The following RMDN2 variants were observed in gnomAD, a reference collection of about 807,000 sequenced individuals.
RMDN2 encodes regulator of microtubule dynamics protein 2.
A neutral mutation model predicts 52.8 loss-of-function variants in RMDN2; 61 were observed. That is an observed-to-expected ratio of 1.16 (90% CI 0.94 to 1.43). The LOEUF is 1.43. Ranked by LOEUF, RMDN2 falls within the 40% of genes most tolerant of loss-of-function variation. The probability of loss-of-function intolerance (pLI) is 0.00; values close to 1 mark genes in which losing one functional copy is unlikely to be tolerated. For missense variants in RMDN2, 592 were observed against 475.3 expected (o/e 1.25, Z -2.28); for synonymous variants, 180 against 153.1 (o/e 1.18, Z -1.30).
chr2:38,061,805 T>C (rs926579351), intron 10 of RMDN2, among the ~76,000 whole-genome samples: 1 of 152,212 alleles, frequency 6.6e-6, no homozygotes, highest in African/African-American at 2.4e-5. Flanking sequence ...TACTAATAGG[T>C]GCTCAATTAA....
chr2:37,979,091 A>G (rs981917119), intron 4 of RMDN2, among the ~76,000 whole-genome samples: 13 of 152,216 alleles, frequency 8.5e-5, no homozygotes, highest in African/African-American at 2.7e-4. Flanking sequence ...AGTGCCAAAG[A>G]AAAAGGAGTA....
At chr2:37,951,615 A>G (rs1446202348) in intron 2 of RMDN2, 1 of 1,613,386 alleles carries the variant, frequency 6.2e-7, no homozygotes, top group East Asian at 2.2e-5. Flanking sequence ...TAAACTAAGT[A>G]TAGTTTCCTA....
chr2:37,975,115 ACCTG>A, intron 3 of RMDN2, 93 bp from the exon 4 acceptor site: 1 of 720,928 alleles, frequency 1.4e-6, no homozygotes, highest in Non-Finnish European at 2.5e-6. Flanking sequence ...ATACCAGTTT[ACCTG>A]CCTAAGTTTT....
At chr2:37,999,893 C>G (rs962422156) in intron 8 of RMDN2, among the ~76,000 whole-genome samples, 11 of 152,144 alleles carry the variant, frequency 7.2e-5, no homozygotes, top group African/African-American at 2.7e-4. Flanking sequence ...TCTGAATGAC[C>G]TGGACACACA....
chr2:37,975,876 A>G (rs543905901), intron 4 of RMDN2, among the ~76,000 whole-genome samples: 4 of 152,320 alleles, frequency 2.6e-5, no homozygotes, highest in Admixed American at 1.3e-4. Context: ...ATTTGAATAT[A>G]TTAGAATAGG....
At chr2:38,007,037 GCATCC>G (rs1677202156) in intron 10 of RMDN2, among the ~76,000 whole-genome samples, 1 of 152,194 alleles carries the variant, frequency 6.6e-6, no homozygotes, top group Non-Finnish European at 1.5e-5. Context: ...AACCAGCCTT[GCATCC>G]CAGGGATGAA....
chr2:37,986,260 A>G (rs537392916), intron 5 of RMDN2, among the ~76,000 whole-genome samples: 22 of 152,212 alleles, frequency 1.4e-4, no homozygotes, highest in Non-Finnish European at 2.8e-4. Context: ...TAACATGGTG[A>G]GTAGATAATT....
At position 38,042,035 on chromosome 2, in the gene RMDN2, T is replaced by C. The variant is rs567401836; in HGVS notation, c.1714-24947T>C. Among the ~76,000 whole-genome samples the C allele has an allele frequency of 2.0e-5, 3 of 152,342 alleles. No homozygotes were observed. In the East Asian group the frequency reaches 5.8e-4, roughly 29 times the overall value. On this transcript the variant is annotated intron_variant, in intron 10 of 10. Coordinates refer to the RMDN2 transcript ENST00000234195. ...GCAGAAAATTGGTATAATTTTTTCTTTGACTGTCTGGTACAATAACCAGAG... is the reference window on the plus strand; with the variant it reads ...GCAGAAAATTGGTATAATTTTTTCTCTGACTGTCTGGTACAATAACCAGAG...
intron 5 of RMDN2, 27 bp from the exon 6 acceptor site, chr2:37,989,514 G>A (rs769610741): frequency 1.3e-6 from 2 of 1,549,814 alleles, no homozygotes; most frequent in Non-Finnish European, 8.8e-7. Context: ...AGTGGCCACT[G>A]TTTTTGTCTG....
intron 2 of RMDN2, among the ~76,000 whole-genome samples, chr2:37,948,511 G>T (rs915773959): frequency 6.6e-5 from 10 of 152,070 alleles, no homozygotes; most frequent in African/African-American, 2.2e-4. Flanking sequence ...ATAATAAAGA[G>T]AATTGGGAAT....
chr2:37,979,241 A>T (rs2125092025), intron 4 of RMDN2, among the ~76,000 whole-genome samples: 1 of 152,278 alleles, frequency 6.6e-6, no homozygotes, highest in African/African-American at 2.4e-5. Flanking sequence ...GAAGGGGAGG[A>T]GGGAGAGAAG....
chr2:38,035,532 A>G (rs6736523), intron 10 of RMDN2, among the ~76,000 whole-genome samples: 24 of 152,330 alleles, frequency 1.6e-4, no homozygotes, highest in Non-Finnish European at 3.1e-4. Context: ...CAGATAAGAA[A>G]AAATGCATAA....
rs1218464343 is a variant in RMDN2 at position 37,997,508 on chromosome 2, C to G, written c.1038C>G (p.Phe346Leu). 1.3e-6 allele frequency: 2 copies of G among 1,595,660 alleles called. No homozygotes were observed. Among genetic ancestry groups the G allele is most frequent in the Admixed American group, 3.3e-5 (2 of 59,982 alleles). Residue 346 changes from phenylalanine (F) to leucine (L), a missense_variant, in exon 8 of 11, where the codon TTC becomes TTG. By Grantham distance (22) the Phe-to-Leu change is conservative (BLOSUM62 0). Coordinates refer to ENST00000354545, the MANE Select transcript of RMDN2 (RefSeq NM_001170791.3). ...SSTVQEALHNFLKAEELCPGY... is the reference protein window; with the variant it reads ...SSTVQEALHNLLKAEELCPGY... ...CTGTACAAGAAGCTTTACACAATTT[C>G]CTTAAGGTACATTTTGTGTATCCAT...
At chr2:37,964,360 A>G (rs13022265) in intron 2 of RMDN2, among the ~76,000 whole-genome samples, 9,056 of 152,212 alleles carry the variant, frequency 0.059, 372 homozygotes, top group Middle Eastern at 0.1. Context: ...TACATCCCAT[A>G]AGTTTTTGGT....
chr2:38,045,236 T>G (rs543121849), intron 10 of RMDN2, among the ~76,000 whole-genome samples: 71 of 152,192 alleles, frequency 4.7e-4, no homozygotes, highest in South Asian at 1.0e-3. Flanking sequence ...CTGTATATGC[T>G]TTTCTTTTTA....
downstream of RMDN2, among the ~76,000 whole-genome samples, chr2:38,022,107 C>A (rs1462136880): frequency 6.6e-6 from 1 of 152,124 alleles, no homozygotes; most frequent in East Asian, 1.9e-4. Flanking sequence ...ATTTCGACTC[C>A]TTAATCTAGT....
chr2:38,063,808 A>G (rs1682154081), intron 10 of RMDN2, among the ~76,000 whole-genome samples: 1 of 152,238 alleles, frequency 6.6e-6, no homozygotes, highest in Admixed American at 6.5e-5. Context: ...TGAAAGTTCC[A>G]GTAGTTTCAC....
At chr2:38,038,443 C>A (rs1040382440) in intron 10 of RMDN2, among the ~76,000 whole-genome samples, 1 of 152,230 alleles carries the variant, frequency 6.6e-6, no homozygotes. Context: ...AAACTGATAC[C>A]CCGTATTGAG....
chr2:38,062,769 T>TA (rs1682104885), intron 10 of RMDN2, among the ~76,000 whole-genome samples: 1 of 109,854 alleles, frequency 9.1e-6, no homozygotes. Context: ...CCTCCCCCCT[T>TA]CCCCCCCCCC....
Sources: gnomAD v4.1 joint callset for allele counts (sites outside exome capture counted in the v4.1 genomes callset) on GRCh38, gnomAD v4.1.1 for gene constraint, MANE v1.5 for transcripts, NCBI Gene and HGNC (gene_info 2026-07-23, HGNC 2026-07-21) for gene names.